Variants in KEAP1 observed in about 807,000 individuals in gnomAD.
KEAP1 encodes the protein kelch-like ECH-associated protein 1.
Under a neutral mutation model 59.7 loss-of-function variants are expected in KEAP1, and 26 were observed. The ratio of observed to expected loss-of-function variants is 0.44; its 90% CI spans 0.32 to 0.60. The LOEUF (loss-of-function observed/expected upper bound fraction) is 0.60, where lower values mean the gene tolerates loss of function less well. KEAP1 is among the 20% of genes least tolerant of loss of function. The pLI is 0.06. For missense variants in KEAP1, 539 were observed against 871.4 expected, an observed-to-expected ratio of 0.62 and a Z score of 4.80; for synonymous variants, 350 against 358.3, an observed-to-expected ratio of 0.98 and a Z score of 0.26.
intron 2 of KEAP1, among the ~76,000 whole-genome samples, chr19:10,493,458 G>A (rs182286219): frequency 1.9e-4 from 29 of 151,578 alleles, no homozygotes; most frequent in African/African-American, 6.5e-4. Flanking sequence ...CACCGCGCCC[G>A]GCCATTTTTT....
chr19:10,497,863 C>T (rs1402106092), intron 2 of KEAP1, among the ~76,000 whole-genome samples: 1 of 151,960 alleles, frequency 6.6e-6, no homozygotes, highest in African/African-American at 2.4e-5. Context: ...CACTGTATTC[C>T]AGCCTGGGGA....
Position 10,491,888 on chromosome 19 carries a change from C to T in KEAP1, c.1014G>A (p.Ser338=), listed in dbSNP as rs769087193. Residue 338 remains serine (S), a synonymous_variant, in exon 3 of 6, where the codon TCG becomes TCA. Transcript: ENST00000171111. The surrounding 1 kb of genome is among the most constrained non-coding windows in gnomAD (Gnocchi z 5.2). ...IYTAGGYFRQ[S]LSYLEAYNPS... is the part of the protein sequence containing the mutation. ...GGTTGTAAGCCTCCAGGTAGCTGAG[C>T]GACTGTCGGAAGTAGCCGCCCGCGG... The T allele has an allele frequency of 1.2e-6, 2 of 1,613,082 alleles. No homozygotes were observed. The highest frequency in any genetic ancestry group is 2.2e-5 in the South Asian group (2 of 91,012).
In KEAP1 at chr19:10,501,995, G is replaced by T. The variant is rs186433553; in HGVS notation, c.-48+1246C>A. On this transcript the variant is annotated intron_variant, in intron 1 of 5. Coordinates refer to ENST00000171111, the MANE Select transcript of KEAP1 (RefSeq NM_203500.2). Reference sequence around the variant, plus strand: ...CACTGCGCTTGTCAGGAACTGAAATGACCTCCTTTGCTTGTCTGTTGATCG... The same window carrying T: ...CACTGCGCTTGTCAGGAACTGAAATTACCTCCTTTGCTTGTCTGTTGATCG... 1.2e-4 allele frequency among the ~76,000 whole-genome samples: 19 copies of T among 152,300 alleles called. No individual in the cohort carries two copies. In the East Asian group the frequency reaches 3.7e-3, roughly 29 times the overall value.
chr19:10,492,441 G>C (rs912249406), intron 2 of KEAP1, 179 bp from the exon 3 acceptor site: 2 of 601,784 alleles, frequency 3.3e-6, no homozygotes, highest in South Asian at 4.0e-5. Context: ...TAATCCTGCC[G>C]GGCGCGGTGG....
Position 10,497,047 on chromosome 19 carries a change from C to T in KEAP1, c.639+2348G>A, listed in dbSNP as rs8113103. ...GCTGAGGCAGGAGAATTGCTTGAACCCAGGAGATGGAGGTTGCAGTGAGCC... is the reference window on the plus strand; with the variant it reads ...GCTGAGGCAGGAGAATTGCTTGAACTCAGGAGATGGAGGTTGCAGTGAGCC... On this transcript the variant is annotated intron_variant, in intron 2 of 5. Transcript: ENST00000171111. Among the ~76,000 whole-genome samples, 315 of 151,914 alleles carry T rather than the reference C, an allele frequency of 2.1e-3. 3 individuals carry two copies. The highest frequency in any genetic ancestry group is 7.4e-3 in the African/African-American group (308 of 41,420).
intron 2 of KEAP1, chr19:10,492,650 G>C (rs1322947403): frequency 4.9e-6 from 1 of 204,114 alleles, no homozygotes; most frequent in African/African-American, 2.4e-5. Context: ...CCCGGGAGGC[G>C]GGAGGCGGAG....
intron 1 of KEAP1, among the ~76,000 whole-genome samples, chr19:10,501,788 C>A (rs1915054494): frequency 6.6e-6 from 1 of 152,000 alleles, no homozygotes; most frequent in Non-Finnish European, 1.5e-5. Flanking sequence ...CTCAAGTGAT[C>A]CCCCTCCTCG....
intron 2 of KEAP1, among the ~76,000 whole-genome samples, chr19:10,493,470 G>A (rs1379638302): frequency 2.1e-5 from 3 of 142,938 alleles, no homozygotes; most frequent in Non-Finnish European, 4.6e-5. Flanking sequence ...CCATTTTTTT[G>A]TATTTATTTT....
intron 3 of KEAP1, 47 bp from the exon 4 acceptor site, chr19:10,489,900 C>T (rs369395423): frequency 6.6e-5 from 102 of 1,547,100 alleles, no homozygotes; most frequent in Non-Finnish European, 8.8e-5. Flanking sequence ...TATAGCTGAC[C>T]TTCGTGGAAT....
At position 10,499,743 on chromosome 19, in the gene KEAP1, C is replaced by T. The variant is rs552845555; in HGVS notation, c.291G>A (p.Lys97=). ...DAPAAQFMAH[K]VVLASSSPVF... is the part of the protein sequence containing the mutation. ...CAGGGCTGGATGAGGCCAGCACCAC[C>T]TTGTGGGCCATGAACTGGGCGGCCG... Residue 97 remains lysine (K), a synonymous_variant, in exon 2 of 6, where the codon AAG becomes AAA. Coordinates refer to ENST00000171111, the MANE Select transcript of KEAP1 (RefSeq NM_203500.2). The surrounding 1 kb of genome is among the most constrained non-coding windows in gnomAD (Gnocchi z 6.7). 6.8e-6 allele frequency: 11 copies of T among 1,614,180 alleles called. No homozygotes were observed. The South Asian group carries it at 8.8e-5, about 13-fold the overall frequency.
chr19:10,490,702 C>T (rs1342441148), intron 3 of KEAP1: 3 of 152,166 alleles, frequency 2.0e-5, no homozygotes, highest in Admixed American at 6.6e-5. Flanking sequence ...CCGTGCCCAC[C>T]TCCACTCGAA....
At chr19:10,494,598 A>C (rs982793506) in intron 2 of KEAP1, among the ~76,000 whole-genome samples, 6 of 150,038 alleles carry the variant, frequency 4.0e-5, no homozygotes, top group Non-Finnish European at 8.9e-5. Flanking sequence ...CGGCCTCCCA[A>C]AGTGCTGGGA....
At chr19:10,501,396 G>A (rs898105469) in intron 1 of KEAP1, among the ~76,000 whole-genome samples, 4 of 151,778 alleles carry the variant, frequency 2.6e-5, no homozygotes, top group South Asian at 2.1e-4. Context: ...TTGGGAGGCC[G>A]AGGCAGGCGG....
intron 5 of KEAP1, 54 bp downstream of exon 5, chr19:10,489,138 G>T: frequency 4.8e-6 from 4 of 839,688 alleles, no homozygotes; most frequent in Non-Finnish European, 6.9e-6. Context: ...AAAAGCAAAA[G>T]CAGTCCACAA....
Position 10,499,262 on chromosome 19 carries a change from C to T in KEAP1, c.639+133G>A. The T allele has an allele frequency of 2.4e-6, 2 of 847,674 alleles. No individual in the cohort carries two copies. Among genetic ancestry groups the T allele is most frequent in the Admixed American group, 2.6e-5 (1 of 38,736 alleles). The allele number at this position is 847,674 out of a possible 1,614,324, so 52.5% of individuals were successfully genotyped here. A position where few individuals can be genotyped will look rare whatever the true frequency, so the allele number is the denominator to read the frequency against. On this transcript the variant is annotated intron_variant, in intron 2 of 5. Transcript: ENST00000171111. This position sits in a 1 kb window ranked among gnomAD's most constrained non-coding sequence, Gnocchi z 6.7. ...AGCCCCTCAAACTGTGGAGACTACACCACCATACCCAGCCCAGAACCTCCT... is the reference window on the plus strand; with the variant it reads ...AGCCCCTCAAACTGTGGAGACTACATCACCATACCCAGCCCAGAACCTCCT...
At position 10,486,937 on chromosome 19, in the gene KEAP1, C is replaced by T. The variant is rs905237633; in HGVS notation, c.1709-119G>A. 123 of 1,046,486 alleles carry T rather than the reference C, an allele frequency of 1.2e-4. 1 individual carries two copies. The highest frequency in any genetic ancestry group is 1.6e-4 in the Non-Finnish European group (117 of 734,408). 64.8% of individuals were successfully genotyped at this position (1,046,486 alleles called of 1,614,324 possible). A position where few individuals can be genotyped will look rare whatever the true frequency, so the allele number is the denominator to read the frequency against. ...GCAGGCCGGGCGTGGTGGCTCACGC[C>T]TATAATCCTAGCACTTTGCAGGGCT... On this transcript the variant is annotated intron_variant, in intron 5 of 5. Coordinates refer to ENST00000171111, the MANE Select transcript of KEAP1 (RefSeq NM_203500.2).
chr19:10,487,428 G>A (rs62131891), intron 5 of KEAP1, among the ~76,000 whole-genome samples: 6,359 of 152,070 alleles, frequency 0.042, 178 homozygotes, highest in Non-Finnish European at 0.06. Flanking sequence ...AGGCCGAGGC[G>A]GGCAGATCAC....
chr19:10,492,303 C>A (rs1914702519), intron 2 of KEAP1, 41 bp from the exon 3 acceptor site: 1 of 1,470,822 alleles, frequency 6.8e-7, no homozygotes, highest in Non-Finnish European at 9.4e-7. Flanking sequence ...TCTCCAGTCA[C>A]CCCCACACCT....
intron 5 of KEAP1, among the ~76,000 whole-genome samples, chr19:10,487,906 A>ATCACCTGAGG (rs1914522637): frequency 1.3e-5 from 2 of 152,104 alleles, no homozygotes; most frequent in African/African-American, 4.8e-5. Flanking sequence ...AGGCGGGCAG[A>ATCACCTGAGG]TCACCTGAGG....
Sources: allele counts gnomAD v4.1 joint callset (sites outside exome capture counted in the v4.1 genomes callset), GRCh38; gene constraint gnomAD v4.1.1; non-coding constraint Gnocchi (gnomAD v3.1); transcripts MANE v1.5; gene names NCBI Gene and HGNC (gene_info 2026-07-23, HGNC 2026-07-21).